Variants in ERC2 observed in about 807,000 individuals in gnomAD.
ERC2 encodes ERC protein 2.
In ERC2, 42 loss-of-function variants were observed where a neutral mutation model predicts 114.8. The observed-to-expected ratio is 0.37, with a 90% CI of 0.29 to 0.47. The LOEUF (loss-of-function observed/expected upper bound fraction) is 0.47. Among genes scored for constraint, ERC2 ranks in the 20% least tolerant of loss-of-function variants. The pLI is 0.99. For synonymous variants in ERC2, 454 were observed against 425.5 expected (o/e 1.07, Z -0.82); for missense variants, 939 against 1,150.7 (o/e 0.82, Z 2.66).
intron 6 of ERC2, among the ~76,000 whole-genome samples, chr3:56,104,342 A>G (rs2078528415): frequency 6.6e-6 from 1 of 152,218 alleles, no homozygotes; most frequent in Admixed American, 6.5e-5. Flanking sequence ...ACAACCCTAC[A>G]TTATCACATC....
At chr3:56,131,819 C>T (rs956632113) in intron 6 of ERC2, among the ~76,000 whole-genome samples, 1 of 152,222 alleles carries the variant, frequency 6.6e-6, no homozygotes, top group Non-Finnish European at 1.5e-5. Context: ...TGTATACTTT[C>T]AAACAGCTAG....
intron 17 of ERC2, among the ~76,000 whole-genome samples, chr3:55,677,578 C>G (rs984831855): frequency 4.6e-5 from 7 of 152,124 alleles, no homozygotes; most frequent in African/African-American, 1.7e-4. Context: ...CATCACAGCC[C>G]TGGGGGTGTC....
rs573430127 is a variant in ERC2 at position 55,597,750 on chromosome 3, A to G, written c.*39+86044T>C. Among the ~76,000 whole-genome samples the G allele has an allele frequency of 2.0e-5, 3 of 152,302 alleles. No homozygotes were observed. The East Asian group carries it at 5.8e-4, about 29-fold the overall frequency. ...TGGAGCCTGGAACAGAGTAGGCATC[A>G]ATGAACATGTGCTGATGAAAGCCTG... On this transcript the variant is annotated intron_variant, in intron 17 of 17. Coordinates refer to ENST00000288221, the MANE Select transcript of ERC2 (RefSeq NM_015576.3).
At chr3:55,676,456 A>ATTATTATTATTT (rs1237026228) in intron 17 of ERC2, among the ~76,000 whole-genome samples, 5 of 148,662 alleles carry the variant, frequency 3.4e-5, no homozygotes, top group African/African-American at 1.2e-4. Flanking sequence ...TATTATTATT[A>ATTATTATTATTT]TTATTATTAT....
chr3:55,514,332 G>A (rs1260658667), intron 17 of ERC2, among the ~76,000 whole-genome samples: 1 of 152,158 alleles, frequency 6.6e-6, no homozygotes, highest in Non-Finnish European at 1.5e-5. Context: ...GGGAGGTCGA[G>A]GCTGCAGTAA....
chr3:55,926,216 G>T (rs1364723736), intron 13 of ERC2, among the ~76,000 whole-genome samples: 4 of 152,044 alleles, frequency 2.6e-5, no homozygotes, highest in African/African-American at 9.7e-5. Context: ...CCAGTCATGG[G>T]TAACTAAATT....
At chr3:56,341,066 T>C (rs1421552549) in intron 2 of ERC2, among the ~76,000 whole-genome samples, 1 of 152,232 alleles carries the variant, frequency 6.6e-6, no homozygotes, top group Admixed American at 6.5e-5. Flanking sequence ...TTTTATCTTA[T>C]TGAGCTTAGA....
intron 12 of ERC2, among the ~76,000 whole-genome samples, chr3:55,968,918 T>C (rs2068950167): frequency 6.6e-6 from 1 of 152,146 alleles, no homozygotes; most frequent in African/African-American, 2.4e-5. Flanking sequence ...ATAAAAAACA[T>C]GCCCATTCCC....
chr3:55,945,020 C>T (rs2067040622), intron 13 of ERC2, among the ~76,000 whole-genome samples: 1 of 152,198 alleles, frequency 6.6e-6, no homozygotes, highest in African/African-American at 2.4e-5. Context: ...TGGAACTTCC[C>T]AATCTCTACC....
chr3:56,123,747 G>T (rs1393902331), intron 6 of ERC2, among the ~76,000 whole-genome samples: 2 of 152,168 alleles, frequency 1.3e-5, no homozygotes, highest in African/African-American at 4.8e-5. Flanking sequence ...AATACCTCCT[G>T]TGGCTCCCCA....
At chr3:56,042,301 C>T (rs960050773) in intron 7 of ERC2, among the ~76,000 whole-genome samples, 11 of 152,216 alleles carry the variant, frequency 7.2e-5, no homozygotes, top group African/African-American at 2.7e-4. Context: ...TTCAAGCCAA[C>T]TCACTGTGTT....
intron 7 of ERC2, among the ~76,000 whole-genome samples, chr3:56,080,592 A>G (rs1172915312): frequency 6.6e-6 from 1 of 152,208 alleles, no homozygotes; most frequent in Non-Finnish European, 1.5e-5. Flanking sequence ...CTGAATAAAA[A>G]ATTATCATCA....
chr3:56,011,946 T>G (rs926186664), intron 8 of ERC2, among the ~76,000 whole-genome samples: 1 of 152,210 alleles, frequency 6.6e-6, no homozygotes, highest in African/African-American at 2.4e-5. Flanking sequence ...AATTTATATA[T>G]CTAATGCTTT....
chr3:55,565,062 A>T (rs1440770084), intron 17 of ERC2, among the ~76,000 whole-genome samples: 1 of 152,236 alleles, frequency 6.6e-6, no homozygotes, highest in Non-Finnish European at 1.5e-5. Flanking sequence ...CCCTTTCTCT[A>T]GGATGGGAGA....
intron 2 of ERC2, among the ~76,000 whole-genome samples, chr3:56,406,433 G>A (rs2107038157): frequency 6.6e-6 from 1 of 152,278 alleles, no homozygotes; most frequent in South Asian, 2.1e-4. Context: ...GGTCGAGGTA[G>A]AATAAATTTC....
chr3:56,420,136 G>A (rs896721908), intron 2 of ERC2, among the ~76,000 whole-genome samples: 14 of 141,256 alleles, frequency 9.9e-5, no homozygotes, highest in Admixed American at 7.2e-4. Flanking sequence ...CAGATAATAT[G>A]TACTCACGAG....
At chr3:55,941,502 C>A (rs1433663334) in intron 13 of ERC2, among the ~76,000 whole-genome samples, 1 of 152,184 alleles carries the variant, frequency 6.6e-6, no homozygotes, top group African/African-American at 2.4e-5. Context: ...AACTACATTA[C>A]AGTTTGACTT....
intron 2 of ERC2, among the ~76,000 whole-genome samples, chr3:56,395,554 A>G (rs2060275799): frequency 6.6e-6 from 1 of 151,996 alleles, no homozygotes; most frequent in South Asian, 2.1e-4. Flanking sequence ...TTCTTGCAAG[A>G]TCTGGTCATT....
chr3:56,433,217 A>G (rs953114101), intron 2 of ERC2, among the ~76,000 whole-genome samples: 3 of 151,832 alleles, frequency 2.0e-5, no homozygotes, highest in African/African-American at 7.3e-5. Context: ...AGAGAGAGCA[A>G]GAGATGAAGC....
Sources: allele counts gnomAD v4.1 joint callset (sites outside exome capture counted in the v4.1 genomes callset), GRCh38; gene constraint gnomAD v4.1.1; transcripts MANE v1.5; gene names NCBI Gene and HGNC (gene_info 2026-07-23, HGNC 2026-07-21).